Variants in MALRD1 observed in about 807,000 individuals in gnomAD.
MALRD1 encodes MAM and LDL-receptor class A domain-containing protein 1.
In MALRD1, 247 loss-of-function variants were observed where a neutral mutation model predicts 242.1. The ratio of observed to expected loss-of-function variants is 1.02; its 90% CI spans 0.92 to 1.13. The LOEUF (loss-of-function observed/expected upper bound fraction) is 1.13. Among genes scored for constraint, MALRD1 ranks in the 50% most tolerant of loss-of-function variants. The pLI, the probability that MALRD1 is intolerant of heterozygous loss-of-function variation, is 0.00. For missense variants in MALRD1, 2,989 were observed against 2,533.1 expected, an observed-to-expected ratio of 1.18 and a Z score of -3.86; for synonymous variants, 995 against 866.6, an observed-to-expected ratio of 1.15 and a Z score of -2.60.
chr10:19,214,067 C>T (rs571441585), intron 18 of MALRD1, among the ~76,000 whole-genome samples: 1 of 152,294 alleles, frequency 6.6e-6, no homozygotes, highest in South Asian at 2.1e-4. Flanking sequence ...GTACTTTTCT[C>T]TATGCCTGTC....
intron 14 of MALRD1, among the ~76,000 whole-genome samples, chr10:19,198,999 G>A (rs781579696): frequency 2.0e-5 from 3 of 152,074 alleles, no homozygotes; most frequent in African/African-American, 4.8e-5. Flanking sequence ...GAATTACAAC[G>A]TTACAGAACC....
intron 28 of MALRD1, among the ~76,000 whole-genome samples, chr10:19,425,925 A>G (rs374669326): frequency 2.0e-5 from 3 of 152,232 alleles, no homozygotes; most frequent in South Asian, 2.1e-4. Context: ...AATCTAATCC[A>G]TGACAAATTA....
chr10:19,235,594 G>T (rs1057225016), intron 18 of MALRD1, among the ~76,000 whole-genome samples: 19 of 150,926 alleles, frequency 1.3e-4, no homozygotes, highest in African/African-American at 4.2e-4. Flanking sequence ...GAGAGAGAGA[G>T]AGAGAGAGAG....
intron 18 of MALRD1, among the ~76,000 whole-genome samples, chr10:19,236,451 G>C (rs542003763): frequency 6.6e-6 from 1 of 152,110 alleles, no homozygotes; most frequent in South Asian, 2.1e-4. Flanking sequence ...GAGGAGTCTT[G>C]CATTATGTAA....
intron 28 of MALRD1, among the ~76,000 whole-genome samples, chr10:19,396,616 T>A (rs550469362): frequency 6.6e-6 from 1 of 152,350 alleles, no homozygotes; most frequent in African/African-American, 2.4e-5. Context: ...TCTATATTCA[T>A]ACTCTTAACC....
intron 29 of MALRD1, 137 bp downstream of exon 29, chr10:19,450,627 T>C: frequency 1.2e-6 from 1 of 812,550 alleles, no homozygotes; most frequent in Non-Finnish European, 1.9e-6. Flanking sequence ...TATAATTTTA[T>C]AATTGTGAAC....
At chr10:19,194,596 A>G (rs1836148526) in intron 14 of MALRD1, among the ~76,000 whole-genome samples, 2 of 152,034 alleles carry the variant, frequency 1.3e-5, no homozygotes, top group Non-Finnish European at 2.9e-5. Context: ...TTACTATTCA[A>G]TGGTGTCTCT....
chr10:19,656,025 C>T (rs1841139223), intron 36 of MALRD1, among the ~76,000 whole-genome samples: 2 of 152,074 alleles, frequency 1.3e-5, no homozygotes, highest in African/African-American at 4.8e-5. Context: ...TAATGGAACC[C>T]ATCTCAGAGT....
At chr10:19,616,804 G>T (rs114724357) in intron 36 of MALRD1, among the ~76,000 whole-genome samples, 1 of 151,840 alleles carries the variant, frequency 6.6e-6, no homozygotes, top group Non-Finnish European at 1.5e-5. Flanking sequence ...TTTTATGATG[G>T]ACCATATTTA....
intron 26 of MALRD1, among the ~76,000 whole-genome samples, chr10:19,380,540 C>A (rs1845793186): frequency 6.6e-6 from 1 of 151,934 alleles, no homozygotes; most frequent in African/African-American, 2.4e-5. Flanking sequence ...AGTAAAATCC[C>A]AATTTACTGT....
chr10:19,335,124 G>A (rs748313498), intron 24 of MALRD1, among the ~76,000 whole-genome samples: 3 of 151,208 alleles, frequency 2.0e-5, no homozygotes, highest in Non-Finnish European at 4.4e-5. Context: ...TGAACCTTTG[G>A]AGGATAAGTT....
intron 21 of MALRD1, among the ~76,000 whole-genome samples, chr10:19,307,938 A>G (rs940091810): frequency 4.0e-5 from 6 of 151,506 alleles, no homozygotes; most frequent in African/African-American, 1.5e-4. Context: ...TATGAGTTAC[A>G]TATGATGTTT....
intron 18 of MALRD1, among the ~76,000 whole-genome samples, chr10:19,231,060 T>C (rs527572378): frequency 2.8e-4 from 43 of 152,266 alleles, no homozygotes; most frequent in African/African-American, 9.1e-4. Context: ...GCCTCTCAGC[T>C]GATTCTCTCT....
At chr10:19,648,580 G>A (rs983953912) in intron 36 of MALRD1, among the ~76,000 whole-genome samples, 9 of 152,074 alleles carry the variant, frequency 5.9e-5, no homozygotes, top group Non-Finnish European at 8.8e-5. Context: ...AGAGGAAGAT[G>A]ACCAAAGTAT....
At chr10:19,157,827 GA>G in intron 12 of MALRD1, among the ~76,000 whole-genome samples, 1 of 151,608 alleles carries the variant, frequency 6.6e-6, no homozygotes, top group Admixed American at 6.6e-5. Flanking sequence ...TTGTTTTTTT[GA>G]AAGGACTTTA....
rs192455127 is a variant in MALRD1, at chr10:19,705,682, G to A, written c.6314+13128G>A. On this transcript the variant is annotated intron_variant, in intron 38 of 39. Transcript: ENST00000454679. ...CTCCTCCTCTTTCTATTCCTCCTGC[G>A]CCACCTATTCCTCCTCCTCCTCCTC... Among the ~76,000 whole-genome samples the A allele has an allele frequency of 3.4e-4, 51 of 149,908 alleles. 2 individuals carry two copies. In the East Asian group the frequency reaches 7.8e-3, roughly 23 times the overall value.
intron 35 of MALRD1, among the ~76,000 whole-genome samples, chr10:19,608,348 C>A (rs1838735072): frequency 6.6e-6 from 1 of 151,958 alleles, no homozygotes; most frequent in Non-Finnish European, 1.5e-5. Context: ...ATCTATTAAA[C>A]CTTAGCTTGA....
At chr10:19,330,156 T>G (rs1843301212) in intron 23 of MALRD1, among the ~76,000 whole-genome samples, 1 of 152,090 alleles carries the variant, frequency 6.6e-6, no homozygotes, top group Non-Finnish European at 1.5e-5. Flanking sequence ...ATCTTACTAA[T>G]ATTTTTTTTC....
intron 28 of MALRD1, among the ~76,000 whole-genome samples, chr10:19,411,157 A>T (rs918349849): frequency 6.6e-6 from 1 of 152,206 alleles, no homozygotes; most frequent in African/African-American, 2.4e-5. Flanking sequence ...GTCCACAATG[A>T]TGTGTGACCC....
Sources: gnomAD v4.1 joint callset for allele counts (sites outside exome capture counted in the v4.1 genomes callset) on GRCh38, gnomAD v4.1.1 for gene constraint, MANE v1.5 for transcripts, NCBI Gene and HGNC (gene_info 2026-07-23, HGNC 2026-07-21) for gene names.